The following TBC1D30 variants were observed in gnomAD, a reference collection of about 807,000 sequenced individuals.
TBC1D30 encodes the protein TBC1 domain family, member 30.
TBC1D30 carries 31 observed loss-of-function variants against 63.2 expected under a neutral mutation model. That is an observed-to-expected ratio of 0.49 (90% CI 0.37 to 0.66). The LOEUF is 0.66. Ranked by LOEUF, TBC1D30 falls within the 30% of genes least tolerant of loss-of-function variation. The pLI is 0.00. For missense variants in TBC1D30, 810 were observed against 953.6 expected, an observed-to-expected ratio of 0.85 and a Z score of 1.98; for synonymous variants, 307 against 361.5, an observed-to-expected ratio of 0.85 and a Z score of 1.71.
intron 2 of TBC1D30, among the ~76,000 whole-genome samples, chr12:64,805,279 C>A (rs1224323565): frequency 6.6e-6 from 1 of 152,142 alleles, no homozygotes; most frequent in Non-Finnish European, 1.5e-5. Context: ...GTGCACCACA[C>A]TCCTATAAAA....
chr12:64,766,309 T>C (rs1279548723), intron 1 of TBC1D30, among the ~76,000 whole-genome samples: 1 of 152,128 alleles, frequency 6.6e-6, no homozygotes, highest in African/African-American at 2.4e-5. Flanking sequence ...TAGAGAAAAC[T>C]CTGATCTCAG....
At chr12:64,770,426 G>A (rs1870862466) in intron 1 of TBC1D30, among the ~76,000 whole-genome samples, 1 of 152,226 alleles carries the variant, frequency 6.6e-6, no homozygotes, top group Admixed American at 6.5e-5. Flanking sequence ...GGCTTCCACA[G>A]CAGGTCCCAG....
chr12:64,830,734 A>G (rs1417134990), intron 4 of TBC1D30, among the ~76,000 whole-genome samples: 1 of 152,234 alleles, frequency 6.6e-6, no homozygotes, highest in Non-Finnish European at 1.5e-5. Context: ...TTTCATTCAC[A>G]TTCAACTTAT....
At chr12:64,861,217 A>G (rs1232848733) in intron 8 of TBC1D30, among the ~76,000 whole-genome samples, 1 of 152,200 alleles carries the variant, frequency 6.6e-6, no homozygotes, top group Non-Finnish European at 1.5e-5. Context: ...TATTTCTTGT[A>G]AAGCATATCA....
intron 11 of TBC1D30, among the ~76,000 whole-genome samples, chr12:64,871,247 G>A (rs1477636349): frequency 6.6e-6 from 1 of 151,826 alleles, no homozygotes; most frequent in Non-Finnish European, 1.5e-5. Flanking sequence ...AGAGAAACTG[G>A]GAAAAAAAAC....
chr12:64,861,760 CTAT>C (rs1431341276), intron 8 of TBC1D30, among the ~76,000 whole-genome samples: 1 of 152,080 alleles, frequency 6.6e-6, no homozygotes, highest in Admixed American at 6.6e-5. Flanking sequence ...AGTTAAGATG[CTAT>C]TATTAGGGTT....
chr12:64,771,980 C>T (rs905939024), intron 1 of TBC1D30, among the ~76,000 whole-genome samples: 9 of 152,044 alleles, frequency 5.9e-5, no homozygotes, highest in African/African-American at 9.7e-5. Context: ...AATGGCCAGG[C>T]GCAGTGGCTC....
intron 1 of TBC1D30, 35 bp downstream of exon 1, chr12:64,825,068 A>G: frequency 6.6e-7 from 1 of 1,514,460 alleles, no homozygotes; most frequent in Non-Finnish European, 8.8e-7. Context: ...GGGCGCTGTA[A>G]AGTAGCGCCG....
intron 1 of TBC1D30, among the ~76,000 whole-genome samples, chr12:64,767,977 G>A (rs1217044478): frequency 6.6e-6 from 1 of 152,046 alleles, no homozygotes; most frequent in Non-Finnish European, 1.5e-5. Context: ...TGGATTCTGG[G>A]TGCAATACAT....
intron 8 of TBC1D30, among the ~76,000 whole-genome samples, chr12:64,848,662 TC>T (rs1479237377): frequency 6.6e-6 from 1 of 152,234 alleles, no homozygotes; most frequent in African/African-American, 2.4e-5. Flanking sequence ...ATTTTCTTTA[TC>T]CAGTCTATCA....
chr12:64,836,425 C>T (rs1217711343), intron 5 of TBC1D30, 65 bp from the exon 6 acceptor site: 8 of 1,322,576 alleles, frequency 6.0e-6, no homozygotes, highest in Non-Finnish European at 8.3e-6. Flanking sequence ...CTTATTTTCT[C>T]TTTAGGACGT....
At chr12:64,784,099 T>C (rs1871428928) in intron 1 of TBC1D30, among the ~76,000 whole-genome samples, 1 of 151,984 alleles carries the variant, frequency 6.6e-6, no homozygotes, top group African/African-American at 2.4e-5. Flanking sequence ...TTTCATTATA[T>C]CCTACTATGT....
chr12:64,790,793 T>C (rs1871869189), intron 2 of TBC1D30, among the ~76,000 whole-genome samples: 1 of 152,230 alleles, frequency 6.6e-6, no homozygotes, highest in Admixed American at 6.5e-5. Flanking sequence ...TCTTCATTAA[T>C]ACCTTGTCCT....
chr12:64,878,213 G>A lies in TBC1D30; in HGVS notation c.*2425G>A, dbSNP rs1299429984. The stretch of plus-strand genomic sequence containing the variant: ...CACTCTGTGTACCAATAACATGCAT[G>A]CATTGTACCAAGTAATCACAATGTG... On this transcript the variant is annotated 3_prime_UTR_variant, in exon 12 of 12. Coordinates refer to ENST00000539867, the MANE Select transcript of TBC1D30 (RefSeq NM_015279.2). The A allele has an allele frequency of 6.7e-6, 2 of 299,798 alleles. No individual in the cohort carries two copies. The highest frequency in any genetic ancestry group is 1.3e-5 in the Non-Finnish European group (2 of 149,998). The allele number at this position is 299,798 out of a possible 1,614,324, so 18.6% of individuals were successfully genotyped here.
chr12:64,824,674 C>G lies in TBC1D30; in HGVS notation c.-206C>G, dbSNP rs1288519125. 2.0e-5 allele frequency: 12 copies of G among 608,914 alleles called. No individual in the cohort carries two copies. Among genetic ancestry groups the G allele is most frequent in the Non-Finnish European group, 3.0e-5 (11 of 368,878 alleles). 37.7% of individuals were successfully genotyped at this position (608,914 alleles called of 1,614,324 possible). On this transcript the variant is annotated 5_prime_UTR_variant, in exon 1 of 12. Coordinates refer to ENST00000539867, the MANE Select transcript of TBC1D30 (RefSeq NM_015279.2). Reference sequence around the variant, plus strand: ...CCTTGCAGGCTCCGCACTGCAGATGCCTGCTGGCTTCCCTGCGCTCGGCGG... The same window carrying G: ...CCTTGCAGGCTCCGCACTGCAGATGGCTGCTGGCTTCCCTGCGCTCGGCGG...
At position 64,838,725 on chromosome 12, in the gene TBC1D30, G is replaced by A; in HGVS notation, c.806G>A (p.Trp269Ter). The A allele has an allele frequency of 6.5e-7, 1 of 1,536,572 alleles. No homozygotes were observed. Among genetic ancestry groups the A allele is most frequent in the African/African-American group, 1.4e-5 (1 of 73,142 alleles). Reference sequence around the variant, plus strand: ...CTTACAAATGTCTTCACGATGCAGTGGTTTCTGACTCTCTTTGCCACATGC... The same window carrying A: ...CTTACAAATGTCTTCACGATGCAGTAGTTTCTGACTCTCTTTGCCACATGC... ...PPLTNVFTMQ[W>*]FLTLFATCLP... Residue 269 changes from tryptophan to a stop codon, truncating the protein, a stop_gained, in exon 7 of 12, where the codon TGG (tryptophan) becomes TAG (stop). Coordinates refer to ENST00000539867, the MANE Select transcript of TBC1D30 (RefSeq NM_015279.2). LOFTEE classifies it high-confidence loss of function.
At chr12:64,780,877 T>TGGC (rs1489958431) in exon 1 of TBC1D30, 77 of 1,012,518 alleles carry the variant, frequency 7.6e-5, no homozygotes, top group Non-Finnish European at 9.0e-5. Context: ...GCGGCGGCGG[T>TGGC]GGCGAGGCGA....
Position 64,818,994 on chromosome 12 carries a change from A to G in TBC1D30, c.644-8841A>G, listed in dbSNP as rs1278637569. ...CGACAAGAAGAATACGATGAGATCTAAAATCTTTGGTTAGTTATGCATCTA... is the reference window on the plus strand; with the variant it reads ...CGACAAGAAGAATACGATGAGATCTGAAATCTTTGGTTAGTTATGCATCTA... On this transcript the variant is annotated intron_variant, in intron 2 of 12. Coordinates refer to the TBC1D30 transcript ENST00000542120. Among the ~76,000 whole-genome samples the G allele has an allele frequency of 2.0e-5, 3 of 152,336 alleles. No individual in the cohort carries two copies. The East Asian group carries it at 5.8e-4, about 29-fold the overall frequency.
chr12:64,816,271 G>T lies in TBC1D30; in HGVS notation c.644-11564G>T, dbSNP rs543050003. ...TGGTCTCGAATTCCTGACCTCAGGTGATCTGCCTGCCTTGGCCTCCCAAAG... is the reference window on the plus strand; with the variant it reads ...TGGTCTCGAATTCCTGACCTCAGGTTATCTGCCTGCCTTGGCCTCCCAAAG... On this transcript the variant is annotated intron_variant, in intron 2 of 12. Coordinates refer to the TBC1D30 transcript ENST00000542120. Among the ~76,000 whole-genome samples, 5 of 152,274 alleles carry T rather than the reference G, an allele frequency of 3.3e-5. No individual in the cohort carries two copies. The South Asian group carries it at 8.3e-4, about 25-fold the overall frequency.
Sources: allele counts gnomAD v4.1 joint callset (sites outside exome capture counted in the v4.1 genomes callset), GRCh38; gene constraint gnomAD v4.1.1; transcripts MANE v1.5; gene names NCBI Gene and HGNC (gene_info 2026-07-23, HGNC 2026-07-21).